Variants in PTPRA observed in about 807,000 individuals in gnomAD.
The protein encoded by PTPRA is protein tyrosine phosphatase receptor type A, also known as receptor-type tyrosine-protein phosphatase alpha.
In PTPRA, 25 loss-of-function variants were observed where a neutral mutation model predicts 104.8. The observed-to-expected ratio is 0.24, with a 90% CI of 0.17 to 0.33. The LOEUF (loss-of-function observed/expected upper bound fraction) is 0.33. Among genes scored for constraint, PTPRA ranks in the 10% least tolerant of loss-of-function variants. The pLI, the probability that PTPRA is intolerant of heterozygous loss-of-function variation, is 1.00. For synonymous variants in PTPRA, 323 were observed against 368.9 expected, an observed-to-expected ratio of 0.88 and a Z score of 1.43; for missense variants, 765 against 1,015.3, an observed-to-expected ratio of 0.75 and a Z score of 3.35.
rs1568714312 is a variant in PTPRA at position 3,038,090 on chromosome 20, A to G, written c.2366A>G (p.Gln789Arg). 3 of 1,613,638 alleles carry G rather than the reference A, an allele frequency of 1.9e-6. No homozygotes were observed. The highest frequency in any genetic ancestry group is 2.5e-6 in the Non-Finnish European group (3 of 1,179,508). The part of the protein sequence containing the change: ...EQYEFCYKVV[Q>R]EYIDAFSDYA... Reference sequence around the variant, plus strand: ...TATGAGTTCTGCTACAAGGTGGTGCAGGAGTATATTGATGCATTCTCAGAT... The same window carrying G: ...TATGAGTTCTGCTACAAGGTGGTGCGGGAGTATATTGATGCATTCTCAGAT... The change falls in exon 24 of 24, where the codon CAG becomes CGG. Residue 789 changes from glutamine (Q) to arginine (R), a missense_variant. Coordinates refer to ENST00000399903, the MANE Select transcript of PTPRA (RefSeq NM_001385305.1).
intron 11 of PTPRA, among the ~76,000 whole-genome samples, chr20:3,007,855 T>C (rs2063949358): frequency 6.6e-6 from 1 of 151,810 alleles, no homozygotes; most frequent in Non-Finnish European, 1.5e-5. Flanking sequence ...TATATATATA[T>C]GACTATCTGG....
intron 9 of PTPRA, among the ~76,000 whole-genome samples, chr20:2,990,704 C>G (rs961334272): frequency 3.3e-5 from 5 of 152,080 alleles, no homozygotes; most frequent in African/African-American, 1.2e-4. Flanking sequence ...GCACCCCAGC[C>G]TGGACAACAG....
intron 3 of PTPRA, among the ~76,000 whole-genome samples, chr20:2,951,175 C>CT (rs1238835352): frequency 1.3e-5 from 2 of 152,138 alleles, no homozygotes; most frequent in Non-Finnish European, 2.9e-5. Flanking sequence ...TCTCGGCTTA[C>CT]TGCCAGCTCC....
the PTPRA span, chr20:2,864,312 T>G: frequency 6.2e-7 from 1 of 1,613,988 alleles, no homozygotes. This position sits in a 1 kb window ranked among gnomAD's most constrained non-coding sequence, Gnocchi z 5.2. Flanking sequence ...GGGGGGCCCC[T>G]GGGCTAAGTG....
intron 13 of PTPRA, among the ~76,000 whole-genome samples, chr20:3,019,010 G>A (rs1290169805): frequency 1.4e-5 from 2 of 140,010 alleles, no homozygotes; most frequent in Admixed American, 6.9e-5. Flanking sequence ...CCCGGACAGG[G>A]CAGCTGGCCG....
At chr20:3,006,663 T>C (rs529296317) in intron 10 of PTPRA, among the ~76,000 whole-genome samples, 32 of 152,348 alleles carry the variant, frequency 2.1e-4, no homozygotes, top group Non-Finnish European at 4.4e-4. Context: ...TTTCTCGCTC[T>C]GTCACCCAGG....
chr20:2,997,139 T>C (rs1600229675), intron 9 of PTPRA, among the ~76,000 whole-genome samples: 2 of 68,352 alleles, frequency 2.9e-5, no homozygotes, highest in Admixed American at 1.6e-4. Context: ...AGAAAACATA[T>C]GTGGGATAAT....
intron 20 of PTPRA, among the ~76,000 whole-genome samples, chr20:3,031,159 C>G (rs536864964): frequency 6.6e-6 from 1 of 152,216 alleles, no homozygotes; most frequent in South Asian, 2.1e-4. Flanking sequence ...CATAGTGAAA[C>G]CTGATAGCAT....
intron 1 of PTPRA, among the ~76,000 whole-genome samples, chr20:2,922,057 A>C (rs1397019257): frequency 3.9e-5 from 6 of 152,196 alleles, no homozygotes; most frequent in Non-Finnish European, 8.8e-5. Flanking sequence ...TAGTTGTGAC[A>C]GTCAAAACTA....
At position 2,925,836 on chromosome 20, in the gene PTPRA, C is replaced by CA. The variant is rs997568114; in HGVS notation, c.-50+2560dup. ...TCAATTGAAAAAACAAAAACAAAAA[C>CA]AAAAAAAAACACATGGATGTACAAA... On this transcript the variant is annotated intron_variant, in intron 2 of 23. Transcript: ENST00000399903. Among the ~76,000 whole-genome samples, 170 of 149,602 alleles carry CA rather than the reference C, an allele frequency of 1.1e-3. 2 individuals are homozygous for CA. The highest frequency in any genetic ancestry group is 2.5e-3 in the African/African-American group (100 of 40,808).
At chr20:2,947,844 A>G (rs866164443) in intron 2 of PTPRA, 138 bp from the exon 3 acceptor site, 9 of 395,192 alleles carry the variant, frequency 2.3e-5, no homozygotes, top group Admixed American at 1.6e-4. Context: ...TATGAGGCCA[A>G]AGTTTAAGAA....
At chr20:2,983,117 A>G (rs2062757179) in intron 6 of PTPRA, among the ~76,000 whole-genome samples, 1 of 152,174 alleles carries the variant, frequency 6.6e-6, no homozygotes, top group South Asian at 2.1e-4. Flanking sequence ...GAGACTTATG[A>G]TCCTAATTTA....
chr20:2,925,016 C>T (rs1249990696), intron 2 of PTPRA, among the ~76,000 whole-genome samples: 3 of 152,082 alleles, frequency 2.0e-5, no homozygotes, highest in African/African-American at 7.2e-5. Context: ...CATATACATA[C>T]TTTTCTCATG....
rs532710451 is a variant in PTPRA at position 3,022,413 on chromosome 20, C to G, written c.1328+193C>G. ...TATGACTTGAGGAAGGAGGGTAGGG[C>G]AGTCCTCCAAGATTAGGAGTTGGGA... On this transcript the variant is annotated intron_variant, in intron 15 of 23. Transcript: ENST00000399903. This position sits in a 1 kb window ranked among gnomAD's most constrained non-coding sequence, Gnocchi z 4.6. 6.6e-6 allele frequency among the ~76,000 whole-genome samples: 1 copy of G among 152,202 alleles called. No individual in the cohort carries two copies. The highest frequency in any genetic ancestry group is 6.5e-5 in the Admixed American group (1 of 15,282).
intron 12 of PTPRA, among the ~76,000 whole-genome samples, chr20:3,017,156 T>C (rs2064506658): frequency 6.6e-6 from 1 of 152,192 alleles, no homozygotes; most frequent in African/African-American, 2.4e-5. Flanking sequence ...TTTAGATACA[T>C]GAGGTTTAAT....
At chr20:2,939,441 A>C (rs2060823855) in intron 2 of PTPRA, among the ~76,000 whole-genome samples, 1 of 152,188 alleles carries the variant, frequency 6.6e-6, no homozygotes, top group Non-Finnish European at 1.5e-5. Context: ...GTTGGAAGGC[A>C]GAATGCTGTT....
At chr20:2,998,024 G>T (rs564237763) in intron 9 of PTPRA, among the ~76,000 whole-genome samples, 7 of 152,056 alleles carry the variant, frequency 4.6e-5, no homozygotes, top group Non-Finnish European at 1.0e-4. Context: ...AGCTACTCAG[G>T]GGGCTGAGGT....
intron 2 of PTPRA, 43 bp from the exon 3 acceptor site, chr20:2,947,939 C>A (rs1346194273): frequency 2.2e-6 from 2 of 892,794 alleles, no homozygotes; most frequent in Non-Finnish European, 3.1e-6. Context: ...TTCACATAAC[C>A]TAGATACTCC....
chr20:2,965,239 G>C, intron 5 of PTPRA, 37 bp downstream of exon 5: 3 of 1,510,202 alleles, frequency 2.0e-6, no homozygotes, highest in Non-Finnish European at 2.7e-6. Context: ...TTTGCTCTTT[G>C]AGTTTAGTCT....
Sources: gnomAD v4.1 joint callset for allele counts (sites outside exome capture counted in the v4.1 genomes callset) on GRCh38, gnomAD v4.1.1 for gene constraint, Gnocchi (gnomAD v3.1) non-coding constraint, MANE v1.5 for transcripts, NCBI Gene and HGNC (gene_info 2026-07-23, HGNC 2026-07-21) for gene names.